The following MEI1 variants were observed in gnomAD, a reference collection of about 807,000 sequenced individuals.
MEI1 encodes the protein meiotic double-stranded break formation protein 1, also known as meiosis inhibitor protein 1.
In MEI1, 103 loss-of-function variants were observed where a neutral mutation model predicts 146.2. That is an observed-to-expected ratio of 0.70 (90% CI 0.60 to 0.83). MEI1 has a LOEUF of 0.83. Among genes scored for constraint, MEI1 ranks in the 40% least tolerant of loss-of-function variants. The pLI is 0.00. For missense variants in MEI1, 1,529 were observed against 1,533.0 expected (o/e 1.00, Z 0.04); for synonymous variants, 652 against 628.2 (o/e 1.04, Z -0.57).
At chr22:41,794,296 A>C (rs897369245) in intron 27 of MEI1, 75 bp from the exon 28 acceptor site, 11 of 1,295,546 alleles carry the variant, frequency 8.5e-6, no homozygotes, top group Non-Finnish European at 1.2e-5. Flanking sequence ...TTTTTAAGCC[A>C]ATAGGAGAAG....
chr22:41,707,648 A>T (rs947118470), intron 3 of MEI1, among the ~76,000 whole-genome samples: 2 of 152,232 alleles, frequency 1.3e-5, no homozygotes, highest in African/African-American at 4.8e-5. Flanking sequence ...CTCTTAAAAA[A>T]AAAGTGTTAA....
chr22:41,748,869 A>G (rs1263920140), intron 15 of MEI1, among the ~76,000 whole-genome samples: 3 of 151,884 alleles, frequency 2.0e-5, no homozygotes, highest in Non-Finnish European at 4.4e-5. Context: ...AGTGGTACGA[A>G]CTTGGCTCAC....
chr22:41,798,152 CACACACACACACACACACAT>C (rs1325353360), intron 30 of MEI1, among the ~76,000 whole-genome samples: 28 of 121,606 alleles, frequency 2.3e-4, no homozygotes, highest in African/African-American at 5.8e-4. Context: ...CACACACACA[CACACACACACACACACACAT>C]AGTGTGTGTC....
At chr22:41,794,146 C>G (rs1389042399) in intron 27 of MEI1, among the ~76,000 whole-genome samples, 1 of 152,210 alleles carries the variant, frequency 6.6e-6, no homozygotes, top group African/African-American at 2.4e-5. Flanking sequence ...TGGCAGAGCC[C>G]TTCTTACTGC....
At position 41,783,320 on chromosome 22, in the gene MEI1, T is replaced by A. The variant is rs552852464; in HGVS notation, c.3088-1019T>A. On this transcript the variant is annotated intron_variant, in intron 24 of 30. Coordinates refer to ENST00000401548, the MANE Select transcript of MEI1 (RefSeq NM_152513.4). ...GTTATTTTATTTTTTCAGACAAAGTTTTGCTCTAGTTGCCCAGGCTGGAGT... is the reference window on the plus strand; with the variant it reads ...GTTATTTTATTTTTTCAGACAAAGTATTGCTCTAGTTGCCCAGGCTGGAGT... 2.6e-5 allele frequency among the ~76,000 whole-genome samples: 4 copies of A among 152,236 alleles called. No homozygotes were observed. In the East Asian group the frequency reaches 7.7e-4, roughly 29 times the overall value.
chr22:41,717,354 G>T (rs1324362591), intron 5 of MEI1, among the ~76,000 whole-genome samples: 2 of 152,006 alleles, frequency 1.3e-5, no homozygotes, highest in Admixed American at 6.6e-5. Flanking sequence ...GTAGAGGTGG[G>T]GTTTCGCCAT....
rs1010729524 is a variant in MEI1, at chr22:41,748,174, T to C, written c.1748T>C (p.Phe583Ser). The change falls in exon 15 of 31, where the codon TTT becomes TCT. Residue 583 changes from phenylalanine (F) to serine (S), a missense_variant. Physicochemically the swap from Phe to Ser is radical, Grantham distance 155 (BLOSUM62 -2). Around this residue, in one of 3 missense-constraint regions of MEI1, gnomAD observed 1,212 missense variants for 1,178.9 expected, o/e 1.03. Transcript: ENST00000401548. ...TTCCTCTCAATTCTACATAACCTCT[T>C]TGTCATCGTTCCCCACATGAAGGAG... ...EVFLSILHNL[F>S]VIVPHMKEKF... is the part of the protein sequence containing the mutation. 8 of 1,613,972 alleles carry C rather than the reference T, an allele frequency of 5.0e-6. No homozygotes were observed. Among genetic ancestry groups the C allele is most frequent in the Non-Finnish European group, 5.9e-6 (7 of 1,179,862 alleles).
intron 26 of MEI1, 89 bp downstream of exon 26, chr22:41,784,872 G>T: frequency 1.1e-6 from 1 of 896,782 alleles, no homozygotes. Context: ...CTCCTACCAG[G>T]GCTTGGAGGG....
In MEI1 at chr22:41,781,391, A is replaced by C. The variant is rs1465914541; in HGVS notation, c.2923A>C (p.Arg975=). The change falls in exon 23 of 31, where the codon AGA becomes CGA. Residue 975 remains arginine (R), a synonymous_variant. Transcript: ENST00000401548. ...TCAGACCACACCCAGCAGTCAGAAA[A>C]GAGGTGCAGGGGCCCGGGCTGGGAC... ...LHQTTPSSQK[R]AAAVLLSSTG... is the part of the protein sequence containing the mutation. The C allele has an allele frequency of 6.2e-7, 1 of 1,611,114 alleles. No individual in the cohort carries two copies. The highest frequency in any genetic ancestry group is 2.2e-5 in the East Asian group (1 of 44,818).
intron 11 of MEI1, among the ~76,000 whole-genome samples, chr22:41,735,402 T>C (rs1281683513): frequency 2.6e-5 from 4 of 151,872 alleles, no homozygotes; most frequent in Non-Finnish European, 5.9e-5. Flanking sequence ...ACCCGGCTAA[T>C]TTTGTATTTT....
chr22:41,708,501 C>T (rs1465010629), intron 3 of MEI1, among the ~76,000 whole-genome samples: 2 of 151,828 alleles, frequency 1.3e-5, no homozygotes, highest in Non-Finnish European at 2.9e-5. Context: ...GGCAGACAGT[C>T]GTTAACAGTA....
intron 11 of MEI1, 77 bp from the exon 12 acceptor site, chr22:41,743,003 C>A: frequency 2.0e-6 from 2 of 978,418 alleles, no homozygotes; most frequent in Non-Finnish European, 1.6e-6. Flanking sequence ...CACTGCCTCT[C>A]ATTGCCTGAG....
chr22:41,721,882 G>C (rs766626322), intron 6 of MEI1, among the ~76,000 whole-genome samples: 2 of 151,266 alleles, frequency 1.3e-5, no homozygotes, highest in Non-Finnish European at 1.5e-5. Flanking sequence ...TACCATGCCC[G>C]ACTAATTTTT....
At chr22:41,751,790 G>A (rs1296441322) in intron 15 of MEI1, among the ~76,000 whole-genome samples, 6 of 96,112 alleles carry the variant, frequency 6.2e-5, no homozygotes, top group Admixed American at 9.1e-5. Flanking sequence ...AAAAAAAAAA[G>A]GCCAGGCGCA....
chr22:41,774,564 A>G (rs916523659), intron 20 of MEI1: 10 of 152,236 alleles, frequency 6.6e-5, no homozygotes, highest in African/African-American at 2.2e-4. Context: ...CTTTTCAGAG[A>G]TGTTTTCTGA....
chr22:41,773,551 C>T lies in MEI1; in HGVS notation c.2545-2551C>T, dbSNP rs1458979625. ...TTTTCACTAACTTAGATCCTAGAGACATCAATGGTAAAAAAAAAAAAAAAA... is the reference window on the plus strand; with the variant it reads ...TTTTCACTAACTTAGATCCTAGAGATATCAATGGTAAAAAAAAAAAAAAAA... On this transcript the variant is annotated intron_variant, in intron 20 of 30. Transcript: ENST00000401548. Among the ~76,000 whole-genome samples the T allele has an allele frequency of 7.5e-5, 8 of 107,362 alleles. No homozygotes were observed. In the East Asian group the frequency reaches 1.3e-3, roughly 17 times the overall value. 70.4% of individuals were successfully genotyped at this position (107,362 alleles called of 152,430 possible).
intron 14 of MEI1, 60 bp downstream of exon 14, chr22:41,746,086 A>G: frequency 6.1e-6 from 9 of 1,487,034 alleles, no homozygotes; most frequent in Non-Finnish European, 6.3e-6. Flanking sequence ...TGTGCAGGCG[A>G]GCCAGGCTCA....
chr22:41,703,549 GT>G (rs1206709818), intron 2 of MEI1, 95 bp downstream of exon 2: 4 of 1,197,284 alleles, frequency 3.3e-6, no homozygotes, highest in Non-Finnish European at 4.4e-6. Context: ...GATGATTTAG[GT>G]TTTTTGTATT....
chr22:41,768,720 C>G (rs73163316), intron 19 of MEI1, among the ~76,000 whole-genome samples: 2,493 of 152,146 alleles, frequency 0.016, 50 homozygotes, highest in Admixed American at 0.059. Flanking sequence ...TTTAAAACAA[C>G]CAGAGCTCAT....
Sources: gnomAD v4.1 joint callset for allele counts (sites outside exome capture counted in the v4.1 genomes callset) on GRCh38, gnomAD v4.1.1 for gene constraint, gnomAD v4.1.1 regional missense constraint, MANE v1.5 for transcripts, NCBI Gene and HGNC (gene_info 2026-07-23, HGNC 2026-07-21) for gene names.